DLG2: variants seen among roughly 807,000 people sequenced by gnomAD.
DLG2 encodes discs large MAGUK scaffold protein 2.
Under a neutral mutation model 132.5 loss-of-function variants are expected in DLG2, and 45 were observed. The ratio of observed to expected loss-of-function variants is 0.34; its 90% confidence interval spans 0.27 to 0.44. DLG2 has a LOEUF of 0.44. Ranked by LOEUF, DLG2 falls within the 20% of genes least tolerant of loss-of-function variation. The pLI, the probability that DLG2 is intolerant of heterozygous loss-of-function variation, is 1.00. For missense variants in DLG2, 1,045 were observed against 1,196.9 expected, an observed-to-expected ratio of 0.87 and a Z score of 1.87; for synonymous variants, 424 against 419.6, an observed-to-expected ratio of 1.01 and a Z score of -0.13.
At chr11:83,929,277 A>G (rs2079664145) in intron 15 of DLG2, among the ~76,000 whole-genome samples, 1 of 152,188 alleles carries the variant, frequency 6.6e-6, no homozygotes, top group Non-Finnish European at 1.5e-5. Flanking sequence ...ATCCATCTTC[A>G]CTCTGAATCG....
At chr11:84,214,461 G>C (rs2096808672) in intron 8 of DLG2, among the ~76,000 whole-genome samples, 2 of 151,326 alleles carry the variant, frequency 1.3e-5, no homozygotes, top group Non-Finnish European at 2.9e-5. Flanking sequence ...ATATATGTCT[G>C]AGTATATCTA....
chr11:83,541,934 T>G, intron 19 of DLG2, 76 bp from the exon 20 acceptor site: 1 of 1,411,670 alleles, frequency 7.1e-7, no homozygotes, highest in South Asian at 1.4e-5. Flanking sequence ...TTTCAAATGT[T>G]TGCTCTTGCT....
intron 7 of DLG2, among the ~76,000 whole-genome samples, chr11:84,283,480 T>C (rs1347630090): frequency 6.6e-6 from 1 of 152,234 alleles, no homozygotes; most frequent in East Asian, 1.9e-4. Flanking sequence ...TTAACTTTAC[T>C]GATTTATTTA....
intron 5 of DLG2, among the ~76,000 whole-genome samples, chr11:85,113,760 A>T (rs141804100): frequency 6.6e-6 from 1 of 152,014 alleles, no homozygotes; most frequent in Non-Finnish European, 1.5e-5. Context: ...CCATCATTCA[A>T]TGTGGAGAGA....
intron 3 of DLG2, among the ~76,000 whole-genome samples, chr11:85,418,023 AG>A (rs2090007382): frequency 6.6e-6 from 1 of 151,876 alleles, no homozygotes. Flanking sequence ...CTTTTAATTG[AG>A]ATGTTAGGGT....
chr11:84,115,838 T>C (rs1247106974), intron 9 of DLG2, among the ~76,000 whole-genome samples: 3 of 152,170 alleles, frequency 2.0e-5, no homozygotes, highest in East Asian at 1.9e-4. Flanking sequence ...TGCATATATA[T>C]TGTATGAGTA....
At chr11:84,824,486 G>A (rs150724129) in intron 6 of DLG2, among the ~76,000 whole-genome samples, 54 of 152,060 alleles carry the variant, frequency 3.6e-4, no homozygotes, top group African/African-American at 1.3e-3. Context: ...TTTAGTAAGT[G>A]ATGTTGGAGG....
At chr11:84,573,721 A>G (rs543676695) in intron 6 of DLG2, among the ~76,000 whole-genome samples, 1 of 152,188 alleles carries the variant, frequency 6.6e-6, no homozygotes, top group South Asian at 2.1e-4. Flanking sequence ...ATTAAATCAG[A>G]GGAAAACCAG....
chr11:84,431,847 T>A (rs2098985666), intron 7 of DLG2, among the ~76,000 whole-genome samples: 2 of 152,174 alleles, frequency 1.3e-5, no homozygotes, highest in Non-Finnish European at 2.9e-5. Context: ...ACCTGTGAAA[T>A]CAAGATGCAT....
At chr11:84,727,528 G>A (rs997937614) in intron 6 of DLG2, among the ~76,000 whole-genome samples, 7 of 152,128 alleles carry the variant, frequency 4.6e-5, no homozygotes, top group South Asian at 2.1e-4. Flanking sequence ...AAGATAGCAT[G>A]ATGCCTCCAG....
chr11:83,722,252 G>A (rs1013297081), intron 18 of DLG2, among the ~76,000 whole-genome samples: 29 of 151,938 alleles, frequency 1.9e-4, no homozygotes, highest in African/African-American at 7.0e-4. Context: ...TCATTCTTAT[G>A]GTCTCCCACT....
At chr11:85,389,306 A>G (rs1028028032) in intron 3 of DLG2, among the ~76,000 whole-genome samples, 2 of 152,198 alleles carry the variant, frequency 1.3e-5, no homozygotes, top group African/African-American at 4.8e-5. Flanking sequence ...CAACAACAAC[A>G]AAGAAAAAAT....
intron 15 of DLG2, among the ~76,000 whole-genome samples, chr11:83,889,157 G>C (rs886223627): frequency 6.6e-6 from 1 of 152,076 alleles, no homozygotes; most frequent in Non-Finnish European, 1.5e-5. Flanking sequence ...ACTACCATCA[G>C]AGTGAACAGG....
intron 7 of DLG2, among the ~76,000 whole-genome samples, chr11:84,461,411 A>G (rs2099079832): frequency 6.6e-6 from 1 of 150,954 alleles, no homozygotes; most frequent in Non-Finnish European, 1.5e-5. Flanking sequence ...TTCTATATGC[A>G]TGTCTTATGA....
chr11:84,294,596 T>G (rs1322146984), intron 7 of DLG2, among the ~76,000 whole-genome samples: 1 of 152,142 alleles, frequency 6.6e-6, no homozygotes, highest in African/African-American at 2.4e-5. Context: ...AGACTCTGTC[T>G]CAAAAAAAAT....
chr11:84,714,595 T>TTCTTTC (rs1164656382), intron 6 of DLG2, among the ~76,000 whole-genome samples: 1,257 of 103,790 alleles, frequency 0.012, 21 homozygotes, highest in Non-Finnish European at 0.02. Context: ...CTCTTTCTCT[T>TTCTTTC]TCTTTCTCTT....
At chr11:84,475,706 A>G (rs2099119807) in intron 7 of DLG2, among the ~76,000 whole-genome samples, 1 of 152,102 alleles carries the variant, frequency 6.6e-6, no homozygotes, top group Non-Finnish European at 1.5e-5. Flanking sequence ...ACTCTGGTAA[A>G]TTGTATACAA....
intron 5 of DLG2, among the ~76,000 whole-genome samples, chr11:85,132,334 A>G (rs1318962567): frequency 1.3e-5 from 2 of 152,240 alleles, no homozygotes; most frequent in Non-Finnish European, 2.9e-5. Flanking sequence ...GTCAAGTCAC[A>G]GTAAAGCTGA....
chr11:84,577,675 C>T (rs1172892419), intron 6 of DLG2, among the ~76,000 whole-genome samples: 5 of 152,060 alleles, frequency 3.3e-5, no homozygotes, highest in East Asian at 1.9e-4. Context: ...CCATGTGAAA[C>T]GGAGCATAAA....
Sources: allele counts gnomAD v4.1 joint callset (sites outside exome capture counted in the v4.1 genomes callset), GRCh38; gene constraint gnomAD v4.1.1; transcripts MANE v1.5; gene names NCBI Gene and HGNC (gene_info 2026-07-23, HGNC 2026-07-21).